CCSER1: variants seen among roughly 807,000 people sequenced by gnomAD.
The protein encoded by CCSER1 is serine-rich coiled-coil domain-containing protein 1.
In CCSER1, 41 loss-of-function variants were observed where a neutral mutation model predicts 82.0. That is an observed-to-expected ratio of 0.50 (90% CI 0.39 to 0.65). CCSER1 has a LOEUF of 0.65. Among genes scored for constraint, CCSER1 ranks in the 30% least tolerant of loss-of-function variants. The pLI is 0.00. For synonymous variants in CCSER1, 414 were observed against 383.9 expected, an observed-to-expected ratio of 1.08 and a Z score of -0.92; for missense variants, 1,119 against 1,064.2, an observed-to-expected ratio of 1.05 and a Z score of -0.72.
rs192509747 is a variant in CCSER1 at position 90,978,314 on chromosome 4, A to G, written c.2172+54867A>G. On this transcript the variant is annotated intron_variant, in intron 9 of 10. Transcript: ENST00000509176. ...GGTTTTGTGAGAATTCAAAGAATTA[A>G]TGTACACAAAGCTCTTAGAACAATG... is the stretch of plus-strand genomic sequence containing the variant. Among the ~76,000 whole-genome samples the G allele has an allele frequency of 2.4e-3, 359 of 151,774 alleles. 6 individuals carry two copies. The highest frequency in any genetic ancestry group is 7.4e-3 in the African/African-American group (307 of 41,434).
intron 3 of CCSER1, among the ~76,000 whole-genome samples, chr4:90,369,105 G>T (rs568348203): frequency 1.1e-4 from 16 of 151,730 alleles, no homozygotes; most frequent in African/African-American, 3.6e-4. Flanking sequence ...AAAGCCAAAA[G>T]CTATTTAGTA....
At chr4:90,449,056 C>G (rs1443211122) in intron 4 of CCSER1, among the ~76,000 whole-genome samples, 1 of 152,196 alleles carries the variant, frequency 6.6e-6, no homozygotes, top group Non-Finnish European at 1.5e-5. Flanking sequence ...CTGTTCAGCT[C>G]TCAGCTAGGA....
intron 5 of CCSER1, among the ~76,000 whole-genome samples, chr4:90,587,554 A>G (rs976383472): frequency 2.6e-5 from 4 of 152,126 alleles, no homozygotes; most frequent in Non-Finnish European, 5.9e-5. Context: ...AGGTTGATAC[A>G]GTACATGATT....
intron 10 of CCSER1, among the ~76,000 whole-genome samples, chr4:91,488,839 TAAAC>T (rs766592459): frequency 3.9e-5 from 6 of 152,116 alleles, no homozygotes; most frequent in African/African-American, 7.2e-5. Context: ...AACAGTGAAA[TAAAC>T]AAAGCCCCTG....
intron 1 of CCSER1, among the ~76,000 whole-genome samples, chr4:90,217,322 G>T (rs181314766): frequency 1.3e-4 from 20 of 152,176 alleles, no homozygotes; most frequent in African/African-American, 4.1e-4. Flanking sequence ...TCAGCCTCCT[G>T]AGTAGCTGGA....
chr4:90,981,456 C>A (rs1736106898), intron 9 of CCSER1, among the ~76,000 whole-genome samples: 1 of 151,726 alleles, frequency 6.6e-6, no homozygotes, highest in Non-Finnish European at 1.5e-5. Flanking sequence ...TACAATATTG[C>A]AAAGATAATT....
chr4:90,357,088 T>C (rs951421980), intron 3 of CCSER1, among the ~76,000 whole-genome samples: 1 of 151,934 alleles, frequency 6.6e-6, no homozygotes, highest in African/African-American at 2.4e-5. Flanking sequence ...TAATTGGAGA[T>C]GAATTTAATG....
At chr4:90,826,636 A>G (rs1287064865) in intron 8 of CCSER1, among the ~76,000 whole-genome samples, 1 of 152,182 alleles carries the variant, frequency 6.6e-6, no homozygotes, top group South Asian at 2.1e-4. Context: ...CAGGGGGATT[A>G]TGTGATTCGT....
intron 5 of CCSER1, among the ~76,000 whole-genome samples, chr4:90,553,096 A>T (rs540203614): frequency 5.7e-4 from 86 of 151,878 alleles, no homozygotes; most frequent in African/African-American, 2.0e-3. Flanking sequence ...TCAGGCTGCC[A>T]GTAGCTGAGA....
intron 9 of CCSER1, among the ~76,000 whole-genome samples, chr4:90,967,385 G>A (rs1369936670): frequency 6.6e-6 from 1 of 151,910 alleles, no homozygotes; most frequent in Non-Finnish European, 1.5e-5. Context: ...AGAGGTGCAG[G>A]TTGCAGTGAG....
chr4:91,328,533 T>G (rs1282201088), intron 10 of CCSER1, among the ~76,000 whole-genome samples: 1 of 151,456 alleles, frequency 6.6e-6, no homozygotes, highest in African/African-American at 2.4e-5. Context: ...AACAGGAGAG[T>G]TGAGTGGGGA....
At chr4:90,643,508 C>A (rs1726949761) in intron 6 of CCSER1, among the ~76,000 whole-genome samples, 3 of 152,174 alleles carry the variant, frequency 2.0e-5, no homozygotes, top group Admixed American at 1.3e-4. Context: ...TGTTTAAATT[C>A]TTTGCCTCAG....
At chr4:91,375,808 A>G (rs1021788796) in intron 10 of CCSER1, among the ~76,000 whole-genome samples, 4 of 152,146 alleles carry the variant, frequency 2.6e-5, no homozygotes, top group African/African-American at 9.6e-5. Context: ...TACAAAACCA[A>G]AGGGATTACT....
chr4:90,998,723 G>GT (rs3043069), intron 9 of CCSER1, among the ~76,000 whole-genome samples: 51,334 of 150,214 alleles, frequency 0.34, 8,940 homozygotes, highest in Non-Finnish European at 0.38. Flanking sequence ...GCATTACACA[G>GT]TTTTTTTTTT....
intron 7 of CCSER1, among the ~76,000 whole-genome samples, chr4:90,725,439 T>C (rs1743467246): frequency 6.6e-6 from 1 of 151,536 alleles, no homozygotes; most frequent in Non-Finnish European, 1.5e-5. Context: ...AAATTAAAAC[T>C]TTCAAGTGCT....
At chr4:91,153,582 C>A (rs939638903) in intron 10 of CCSER1, among the ~76,000 whole-genome samples, 1 of 151,620 alleles carries the variant, frequency 6.6e-6, no homozygotes, top group Admixed American at 6.6e-5. Context: ...CCTTTGAAGG[C>A]ACTCTGATTT....
rs182278123 is a variant in CCSER1 at position 90,966,630 on chromosome 4, C to A, written c.2172+43183C>A. Among the ~76,000 whole-genome samples, 1,304 of 152,170 alleles carry A rather than the reference C, an allele frequency of 8.6e-3. 14 individuals are homozygous for A. Among genetic ancestry groups the A allele is most frequent in the Non-Finnish European group, 0.014 (935 of 68,018 alleles). ...AGACTGAAAGAGAAGGACAATAAAT[C>A]GCCAATTGAATCCGTGGAAGGGATA... On this transcript the variant is annotated intron_variant, in intron 9 of 10. Transcript: ENST00000509176.
intron 10 of CCSER1, among the ~76,000 whole-genome samples, chr4:91,107,764 G>A (rs1225125539): frequency 6.6e-6 from 1 of 150,892 alleles, no homozygotes; most frequent in South Asian, 2.1e-4. Context: ...TGGAAATATT[G>A]TGTGTGGGAA....
chr4:90,782,479 G>A (rs2149616420), intron 7 of CCSER1, among the ~76,000 whole-genome samples: 1 of 152,116 alleles, frequency 6.6e-6, no homozygotes, highest in Non-Finnish European at 1.5e-5. Context: ...CTCTATTAAG[G>A]CTTTTTTAGT....
Sources: allele counts gnomAD v4.1 joint callset (sites outside exome capture counted in the v4.1 genomes callset), GRCh38; gene constraint gnomAD v4.1.1; transcripts MANE v1.5; gene names NCBI Gene and HGNC (gene_info 2026-07-23, HGNC 2026-07-21).